POLA1: variants seen among roughly 807,000 people sequenced by gnomAD.
The protein encoded by POLA1 is DNA polymerase alpha 1, catalytic subunit.
POLA1 carries 15 observed loss-of-function variants against 124.0 expected under a neutral mutation model. The observed-to-expected ratio is 0.12, with a 90% CI of 0.08 to 0.19. The LOEUF is 0.19. Ranked by LOEUF, POLA1 falls within the 10% of genes least tolerant of loss-of-function variation. POLA1 has a pLI of 1.00. For synonymous variants in POLA1, 408 were observed against 389.4 expected (o/e 1.05, Z -0.56); for missense variants, 886 against 1,103.4 (o/e 0.80, Z 2.79).
At chrX:24,857,634 G>GGAGT (rs1334652453) in intron 34 of POLA1, among the ~76,000 whole-genome samples, 4 of 111,306 alleles carry the variant, frequency 3.6e-5, no homozygotes, top group Non-Finnish European at 5.7e-5. Flanking sequence ...ATATACCTAA[G>GGAGT]GAGTACCTTT....
rs747473839 is a variant in POLA1 at position 24,833,550 on chromosome X, A to T, written c.3736+6949A>T. 5.4e-5 allele frequency among the ~76,000 whole-genome samples: 6 copies of T among 111,363 alleles called. No homozygotes were observed. The East Asian group carries it at 1.7e-3, about 32-fold the overall frequency. The stretch of plus-strand genomic sequence containing the variant: ...AAAGTGTTCCCTTTTTACCACATCC[A>T]TACCAACATCTATTTTTTTTTAATT... On this transcript the variant is annotated intron_variant, in intron 32 of 36. Coordinates refer to ENST00000379068, the MANE Select transcript of POLA1 (RefSeq NM_001330360.2).
chrX:24,924,727 G>C (rs2047665979), intron 35 of POLA1, among the ~76,000 whole-genome samples: 1 of 111,976 alleles, frequency 8.9e-6, no homozygotes, highest in Admixed American at 9.4e-5. Context: ...TGATGAGGTG[G>C]ATAGGAACTG....
In POLA1 at chrX:24,699,394, C is replaced by T. The variant is rs754794808; in HGVS notation, c.44-31C>T. On this transcript the variant is annotated intron_variant, in intron 1 of 36. Transcript: ENST00000379068. ...GGGAAGATGGCTGACAATTTTGTAA[C>T]ATCTGTTGTAAATTTTTTTTCTTTT... 8.1e-6 allele frequency: 9 copies of T among 1,113,636 alleles called. No individual in the cohort carries two copies. In the East Asian group the frequency reaches 2.5e-4, roughly 31 times the overall value. 91.8% of individuals were successfully genotyped at this position (1,113,636 alleles called of 1,213,427 possible).
chrX:24,795,110 C>A (rs2045582731), intron 26 of POLA1, among the ~76,000 whole-genome samples: 1 of 110,613 alleles, frequency 9.0e-6, no homozygotes, highest in South Asian at 3.9e-4. Flanking sequence ...CTTTGGAGGA[C>A]CGATTGACTA....
intron 36 of POLA1, among the ~76,000 whole-genome samples, chrX:24,980,463 C>T (rs1192854580): frequency 8.9e-6 from 1 of 111,853 alleles, no homozygotes; most frequent in Non-Finnish European, 1.9e-5. Flanking sequence ...TATTTAGCAG[C>T]AAGAGCAAGG....
intron 36 of POLA1, among the ~76,000 whole-genome samples, chrX:24,946,708 C>A (rs948370336): frequency 8.9e-6 from 1 of 111,854 alleles, no homozygotes; most frequent in African/African-American, 3.3e-5. Flanking sequence ...GTCCCTCTTA[C>A]ATTATAATTA....
intron 26 of POLA1, among the ~76,000 whole-genome samples, chrX:24,749,239 C>T (rs1474998719): frequency 3.9e-5 from 4 of 103,719 alleles, no homozygotes; most frequent in African/African-American, 1.4e-4. Context: ...GATAGAGTGT[C>T]AAGCAAGACC....
intron 35 of POLA1, among the ~76,000 whole-genome samples, chrX:24,901,182 G>A (rs975652721): frequency 7.2e-5 from 8 of 111,493 alleles, no homozygotes; most frequent in African/African-American, 2.6e-4. Context: ...CTGTGGAGAA[G>A]AATTCAGCTG....
intron 36 of POLA1, among the ~76,000 whole-genome samples, chrX:24,943,965 ACAAT>A (rs1401319997): frequency 8.9e-6 from 1 of 111,968 alleles, no homozygotes; most frequent in Non-Finnish European, 1.9e-5. Flanking sequence ...AAGACAAGAG[ACAAT>A]CAAAGACACC....
chrX:24,984,654 CT>C (rs72426448), intron 36 of POLA1, among the ~76,000 whole-genome samples: 3,924 of 78,637 alleles, frequency 0.05, 82 homozygotes, highest in East Asian at 0.13. Flanking sequence ...ACCTTTTGCA[CT>C]TTTTTTTTTT....
At chrX:24,710,046 C>T (rs1602258610) in intron 4 of POLA1, among the ~76,000 whole-genome samples, 1 of 104,390 alleles carries the variant, frequency 9.6e-6, no homozygotes. Context: ...GGCGGCTGCT[C>T]CTTGCCCTCG....
intron 31 of POLA1, among the ~76,000 whole-genome samples, chrX:24,822,799 GT>G (rs909097249): frequency 4.3e-4 from 46 of 106,474 alleles, no homozygotes; most frequent in African/African-American, 1.2e-3. Context: ...AATAGGCTAG[GT>G]TTTTTTTTTT....
intron 34 of POLA1, among the ~76,000 whole-genome samples, chrX:24,856,480 C>T (rs1006565346): frequency 2.7e-5 from 3 of 111,649 alleles, no homozygotes; most frequent in Admixed American, 9.5e-5. Flanking sequence ...TTTGTCAGTG[C>T]GTAAGTTTTC....
intron 36 of POLA1, among the ~76,000 whole-genome samples, chrX:24,968,543 C>A (rs1359403315): frequency 9.1e-6 from 1 of 109,373 alleles, no homozygotes; most frequent in Admixed American, 9.7e-5. Context: ...ACTAAAAATA[C>A]AAAAAATTAG....
At chrX:24,709,379 C>T (rs1929150078) in intron 4 of POLA1, among the ~76,000 whole-genome samples, 2 of 96,366 alleles carry the variant, frequency 2.1e-5, no homozygotes. Context: ...CACGGCTGGC[C>T]AGGCGGGGGG....
At chrX:24,902,893 C>A (rs900162853) in intron 35 of POLA1, among the ~76,000 whole-genome samples, 1 of 111,966 alleles carries the variant, frequency 8.9e-6, no homozygotes, top group Non-Finnish European at 1.9e-5. Context: ...ATAAATATTA[C>A]AATAAATATG....
intron 34 of POLA1, among the ~76,000 whole-genome samples, chrX:24,878,989 G>T (rs2147124735): frequency 8.9e-6 from 1 of 111,749 alleles, no homozygotes; most frequent in South Asian, 3.8e-4. Flanking sequence ...AATAGAAGAA[G>T]AAACCACAGA....
chrX:24,770,233 A>G (rs2045001864), intron 26 of POLA1, among the ~76,000 whole-genome samples: 1 of 111,941 alleles, frequency 8.9e-6, no homozygotes, highest in Admixed American at 9.5e-5. Context: ...AAGGTGAGAC[A>G]GACCATGGTC....
rs749892427 is a variant in POLA1, at chrX:24,796,349, C to G, written c.2965-13549C>G. 2.7e-5 allele frequency among the ~76,000 whole-genome samples: 3 copies of G among 111,714 alleles called. No individual in the cohort carries two copies. The Admixed American group carries it at 2.8e-4, about 11-fold the overall frequency. ...ATTATTTGTATTAAGCACTAGCCAC[C>G]TGTTAGGATCATTCTCATTAAAGGT... is the stretch of plus-strand genomic sequence containing the variant. On this transcript the variant is annotated intron_variant, in intron 26 of 36. Coordinates refer to ENST00000379068, the MANE Select transcript of POLA1 (RefSeq NM_001330360.2).
Sources: gnomAD v4.1 joint callset for allele counts (sites outside exome capture counted in the v4.1 genomes callset) on GRCh38, gnomAD v4.1.1 for gene constraint, MANE v1.5 for transcripts, NCBI Gene and HGNC (gene_info 2026-07-23, HGNC 2026-07-21) for gene names.